The following MOB1A variants were observed in gnomAD, a reference collection of about 807,000 sequenced individuals.
MOB1A encodes MOB kinase activator 1A, also known as MOB1 Mps One Binder homolog A.
Under a neutral mutation model 25.1 loss-of-function variants are expected in MOB1A, and 10 were observed. The ratio of observed to expected loss-of-function variants is 0.40; its 90% CI spans 0.25 to 0.68. The LOEUF is 0.68. Among genes scored for constraint, MOB1A ranks in the 30% least tolerant of loss-of-function variants. MOB1A has a pLI of 0.40. For synonymous variants in MOB1A, 81 were observed against 79.5 expected (o/e 1.02, Z -0.10); for missense variants, 177 against 256.3 (o/e 0.69, Z 2.11).
intron 4 of MOB1A, among the ~76,000 whole-genome samples, chr2:74,159,749 TA>T (rs1411562224): frequency 5.9e-5 from 9 of 152,116 alleles, no homozygotes; most frequent in Admixed American, 2.0e-4. Flanking sequence ...TAGGCACAGG[TA>T]TCAAATTATG....
At chr2:74,163,218 AGAAAG>A (rs2103706428) in intron 4 of MOB1A, among the ~76,000 whole-genome samples, 1 of 152,354 alleles carries the variant, frequency 6.6e-6, no homozygotes, top group African/African-American at 2.4e-5. Flanking sequence ...ATACATTATC[AGAAAG>A]GAAGAGACAA....
At position 74,155,835 on chromosome 2, in the gene MOB1A, A is replaced by C. The variant is rs1037469713; in HGVS notation, c.*733T>G. ...TGGAAGACCATCCTTAGAAGACATT[A>C]AAAAATTACTTCTGATACACACACT... On this transcript the variant is annotated 3_prime_UTR_variant, in exon 6 of 6. Coordinates refer to ENST00000396049, the MANE Select transcript of MOB1A (RefSeq NM_018221.5). 1 of 152,344 alleles carries C rather than the reference A, an allele frequency of 6.6e-6. No individual in the cohort carries two copies. Among genetic ancestry groups the C allele is most frequent in the Non-Finnish European group, 1.5e-5 (1 of 67,966 alleles). The allele number at this position is 152,344 out of a possible 1,614,324, so 9.4% of individuals were successfully genotyped here.
chr2:74,176,763 C>CAAA (rs754041457), intron 1 of MOB1A, among the ~76,000 whole-genome samples: 2,039 of 88,858 alleles, frequency 0.023, 54 homozygotes, highest in African/African-American at 0.076. Flanking sequence ...GACTCTGTCT[C>CAAA]AAAAAAAAAA....
chr2:74,178,346 G>A (rs1034399595), intron 1 of MOB1A: 2 of 251,050 alleles, frequency 8.0e-6, no homozygotes, highest in Non-Finnish European at 1.5e-5. Context: ...AAGAGAAACT[G>A]GGGGCTCGCG....
chr2:74,159,042 C>T (rs1023247114), intron 5 of MOB1A, 49 bp downstream of exon 5: 1 of 1,587,394 alleles, frequency 6.3e-7, no homozygotes, highest in Non-Finnish European at 8.6e-7. Flanking sequence ...GTTCCCAATC[C>T]AAATAAGTCC....
rs1228885457 is a variant in MOB1A, at chr2:74,156,539, A to T, written c.*29T>A. On this transcript the variant is annotated 3_prime_UTR_variant, in exon 6 of 6. Transcript: ENST00000396049. The stretch of plus-strand genomic sequence containing the variant: ...GATAGTTCTAGCAATAGATGAAGCA[A>T]GGGGGTAACTGTGTTCTAGAAGAAA... 6.2e-6 allele frequency: 9 copies of T among 1,451,800 alleles called. No individual in the cohort carries two copies. The highest frequency in any genetic ancestry group is 8.5e-6 in the Non-Finnish European group (9 of 1,056,536). 89.9% of individuals were successfully genotyped at this position (1,451,800 alleles called of 1,614,324 possible).
chr2:74,161,199 G>A (rs995677973), intron 4 of MOB1A, among the ~76,000 whole-genome samples: 23 of 151,970 alleles, frequency 1.5e-4, no homozygotes, highest in African/African-American at 5.3e-4. Flanking sequence ...TTTTTTCCCA[G>A]CCAGTTCTCA....
chr2:74,160,467 G>A lies in MOB1A; in HGVS notation c.410-1213C>T, dbSNP rs1051042057. On this transcript the variant is annotated intron_variant, in intron 4 of 5. Transcript: ENST00000396049. ...TGGGAGGCCGAGGGGGGCAGATCAC[G>A]AGGTCAGGAGGTCAAGACCAGCCTG... Among the ~76,000 whole-genome samples, 3 of 152,138 alleles carry A rather than the reference G, an allele frequency of 2.0e-5. No homozygotes were observed. In the East Asian group the frequency reaches 5.8e-4, roughly 29 times the overall value.
intron 4 of MOB1A, among the ~76,000 whole-genome samples, chr2:74,160,407 G>A (rs189439055): frequency 4.6e-5 from 7 of 152,238 alleles, no homozygotes; most frequent in Non-Finnish European, 7.4e-5. Flanking sequence ...AAAGGCAGCC[G>A]GGCACAGTGG....
At chr2:74,174,694 G>T (rs966874290) in intron 1 of MOB1A, among the ~76,000 whole-genome samples, 1 of 152,110 alleles carries the variant, frequency 6.6e-6, no homozygotes, top group Non-Finnish European at 1.5e-5. Context: ...ATTTCAAATA[G>T]TATCAATTAA....
intron 4 of MOB1A, among the ~76,000 whole-genome samples, chr2:74,160,465 A>C (rs1305938382): frequency 6.6e-6 from 1 of 152,202 alleles, no homozygotes; most frequent in Non-Finnish European, 1.5e-5. Flanking sequence ...GGGGCAGATC[A>C]CGAGGTCAGG....
At chr2:74,178,532 A>C in intron 1 of MOB1A, 129 bp downstream of exon 1, 1 of 580,898 alleles carries the variant, frequency 1.7e-6, no homozygotes, top group South Asian at 5.4e-5. Flanking sequence ...ACCCGAACAG[A>C]GGCAAAACAA....
intron 1 of MOB1A, among the ~76,000 whole-genome samples, chr2:74,173,375 G>A (rs1337065871): frequency 9.1e-6 from 1 of 110,256 alleles, no homozygotes; most frequent in East Asian, 2.8e-4. Context: ...CCTCAATTTC[G>A]GTTTTTTTTT....
chr2:74,171,884 C>A (rs986491807), intron 2 of MOB1A, among the ~76,000 whole-genome samples: 1 of 151,926 alleles, frequency 6.6e-6, no homozygotes, highest in African/African-American at 2.4e-5. Flanking sequence ...GTCTGGGCAA[C>A]AGAGCAAGAC....
intron 2 of MOB1A, among the ~76,000 whole-genome samples, chr2:74,169,475 G>A (rs1693221510): frequency 6.6e-6 from 1 of 151,984 alleles, no homozygotes; most frequent in South Asian, 2.1e-4. Flanking sequence ...CTCCAGCCTG[G>A]GCGACAGGGC....
intron 1 of MOB1A, among the ~76,000 whole-genome samples, chr2:74,173,388 T>TG (rs1335400637): frequency 6.9e-6 from 1 of 145,872 alleles, no homozygotes; most frequent in Non-Finnish European, 1.5e-5. Flanking sequence ...TTTTTTTTTT[T>TG]TTTTTTTTTT....
intron 2 of MOB1A, among the ~76,000 whole-genome samples, chr2:74,171,739 C>A (rs1428200992): frequency 6.6e-6 from 1 of 152,042 alleles, no homozygotes; most frequent in Non-Finnish European, 1.5e-5. Flanking sequence ...CTTGTCTCTA[C>A]TAAAATGTAA....
chr2:74,178,426 C>G (rs1014957338), intron 1 of MOB1A: 1 of 350,342 alleles, frequency 2.9e-6, no homozygotes, highest in Non-Finnish European at 5.1e-6. Context: ...CGCGACGGCC[C>G]CGGGGCCTTT....
At chr2:74,169,087 A>G (rs72917193) in intron 2 of MOB1A, among the ~76,000 whole-genome samples, 1,983 of 152,366 alleles carry the variant, frequency 0.013, 33 homozygotes, top group African/African-American at 0.045. Flanking sequence ...CAGACATTAA[A>G]TAAGATTTGC....
Sources: gnomAD v4.1 joint callset for allele counts (sites outside exome capture counted in the v4.1 genomes callset) on GRCh38, gnomAD v4.1.1 for gene constraint, MANE v1.5 for transcripts, NCBI Gene and HGNC (gene_info 2026-07-23, HGNC 2026-07-21) for gene names.